The following DYSF variants were observed in gnomAD, a reference collection of about 807,000 sequenced individuals.
DYSF encodes the protein dystrophy-associated fer-1-like 1.
DYSF carries 212 observed loss-of-function variants against 274.9 expected under a neutral mutation model. That is an observed-to-expected ratio of 0.77 (90% CI 0.69 to 0.86). The LOEUF is 0.86. Ranked by LOEUF, DYSF falls within the 40% of genes least tolerant of loss-of-function variation. DYSF has a pLI of 0.00. For synonymous variants in DYSF, 1,091 were observed against 1,078.7 expected, an observed-to-expected ratio of 1.01 and a Z score of -0.22; for missense variants, 2,666 against 2,783.2, an observed-to-expected ratio of 0.96 and a Z score of 0.95.
intron 30 of DYSF, among the ~76,000 whole-genome samples, chr2:71,585,253 G>A (rs1286922650): frequency 6.6e-6 from 1 of 152,214 alleles, no homozygotes; most frequent in East Asian, 1.9e-4. Flanking sequence ...TTGAAGAGCC[G>A]TGCATTTTCC....
At chr2:71,517,593 A>G (rs552532648) in intron 10 of DYSF, among the ~76,000 whole-genome samples, 48 of 152,272 alleles carry the variant, frequency 3.2e-4, no homozygotes, top group African/African-American at 1.1e-3. Flanking sequence ...CAGAAGACCA[A>G]ACAAAAATCA....
chr2:71,570,388 T>C, intron 28 of DYSF, 54 bp downstream of exon 28: 1 of 1,578,560 alleles, frequency 6.3e-7, no homozygotes, highest in African/African-American at 1.3e-5. Context: ...TCTCAAGCCA[T>C]GCTGGTGGGG....
intron 7 of DYSF, among the ~76,000 whole-genome samples, chr2:71,514,625 C>T (rs1411979731): frequency 6.6e-6 from 1 of 151,958 alleles, no homozygotes; most frequent in Admixed American, 6.6e-5. Context: ...TGTAGTCACA[C>T]AGTGATATTT....
intron 17 of DYSF, among the ~76,000 whole-genome samples, chr2:71,547,874 T>TG (rs1274499477): frequency 3.3e-5 from 5 of 152,000 alleles, no homozygotes; most frequent in East Asian, 1.9e-4. Context: ...AAGAAGCACA[T>TG]GGGGGTTGGA....
chr2:71,643,885 G>C (rs1381325888), intron 41 of DYSF, 80 bp from the exon 42 acceptor site: 16 of 1,128,558 alleles, frequency 1.4e-5, no homozygotes, highest in Non-Finnish European at 2.0e-5. Context: ...CCTAGCAGCG[G>C]AGGGAGGGTT....
Position 71,682,559 on chromosome 2 carries a change from C to T in DYSF, c.6203C>T (p.Thr2068Ile), listed in dbSNP as rs1261660052. ...CCCGACACCTCCTTCCTGTGGTTTACCTCCCCATACAAGACCATGAAGTTC... is the reference window on the plus strand; with the variant it reads ...CCCGACACCTCCTTCCTGTGGTTTATCTCCCCATACAAGACCATGAAGTTC... ...RRPDTSFLWF[T>I]SPYKTMKFIL... is the part of the protein sequence containing the mutation. Residue 2068 changes from threonine to isoleucine, a missense_variant, in exon 55 of 56, where the codon ACC (threonine) becomes ATC (isoleucine). By Grantham distance (89) the Thr-to-Ile change is moderately conservative (BLOSUM62 -1). Transcript: ENST00000410020. 1 of 1,614,118 alleles carries T rather than the reference C, an allele frequency of 6.2e-7. No individual in the cohort carries two copies. Among genetic ancestry groups the T allele is most frequent in the Non-Finnish European group, 8.5e-7 (1 of 1,180,014 alleles).
At chr2:71,627,630 T>G (rs1406452293) in intron 41 of DYSF, among the ~76,000 whole-genome samples, 1 of 152,104 alleles carries the variant, frequency 6.6e-6, no homozygotes, top group Non-Finnish European at 1.5e-5. Flanking sequence ...CTCCTGATTT[T>G]TGTGTGTGTG....
At chr2:71,616,454 G>T (rs79200224) in intron 40 of DYSF, among the ~76,000 whole-genome samples, 1,600 of 151,680 alleles carry the variant, frequency 0.011, 36 homozygotes, top group African/African-American at 0.036. Context: ...TAGGGGTGGG[G>T]GTGGTGTGTG....
chr2:71,673,840 A>G (rs943130252), intron 51 of DYSF, among the ~76,000 whole-genome samples: 1 of 152,056 alleles, frequency 6.6e-6, no homozygotes, highest in Admixed American at 6.5e-5. Flanking sequence ...ACGCATAGGA[A>G]GCACTATATT....
At chr2:71,621,899 T>A (rs1263484951) in intron 41 of DYSF, among the ~76,000 whole-genome samples, 1 of 152,030 alleles carries the variant, frequency 6.6e-6, no homozygotes, top group South Asian at 2.1e-4. Context: ...GATCTCATGA[T>A]CTGCCCGCCT....
Position 71,584,966 on chromosome 2 carries a change from C to CAAGAGCCT in DYSF, c.3403-4625_3403-4618dup, listed in dbSNP as rs1361157263. On this transcript the variant is annotated intron_variant, in intron 30 of 55. Transcript: ENST00000410020. Reference sequence around the variant, plus strand: ...GCCAGAGGAGAGGAGTGTTATTTAACAAGAGCCTAGAGAGATGAAAGAGTT... The same window carrying CAAGAGCCT: ...GCCAGAGGAGAGGAGTGTTATTTAACAAGAGCCTAAGAGCCTAGAGAGATGAAAGAGTT... Among the ~76,000 whole-genome samples the CAAGAGCCT allele has an allele frequency of 7.2e-4, 110 of 152,204 alleles. 3 individuals are homozygous for CAAGAGCCT. Among genetic ancestry groups the CAAGAGCCT allele is most frequent in the Non-Finnish European group, 1.3e-4 (9 of 68,044 alleles).
rs780970713 is a variant in DYSF at position 71,586,972 on chromosome 2, C to T, written c.3403-2621C>T. Among the ~76,000 whole-genome samples the T allele has an allele frequency of 1.0e-3, 153 of 152,330 alleles. 2 individuals carry two copies. The highest frequency in any genetic ancestry group is 4.5e-3 in the Admixed American group (69 of 15,310). ...TACTCCCACTGCTCCCACCCCTTAC[C>T]GGTGCCCCAGCAGCTAGAGGTGCTG... On this transcript the variant is annotated intron_variant, in intron 30 of 55. Transcript: ENST00000410020.
rs143860534 is a variant in DYSF, at chr2:71,478,988, C to T, written c.92-1895C>T. Among the ~76,000 whole-genome samples the T allele has an allele frequency of 1.7e-3, 253 of 152,146 alleles. 1 individual carries two copies. The highest frequency in any genetic ancestry group is 5.9e-3 in the African/African-American group (243 of 41,532). On this transcript the variant is annotated intron_variant, in intron 1 of 55. Coordinates refer to ENST00000410020, the MANE Select transcript of DYSF (RefSeq NM_001130987.2). Reference sequence around the variant, plus strand: ...GCTGCACCTCTCCAGGCTGGATGGACTCTGATGTGCTTGGCTCTAAAGCCT... The same window carrying T: ...GCTGCACCTCTCCAGGCTGGATGGATTCTGATGTGCTTGGCTCTAAAGCCT...
rs533870628 is a variant in DYSF at position 71,662,894 on chromosome 2, ACATTTGTGTGCC to A, written c.5004-1373_5004-1362del. 7.3e-4 allele frequency among the ~76,000 whole-genome samples: 26 copies of A among 35,636 alleles called. 1 individual carries two copies. The South Asian group carries it at 0.025, about 34-fold the overall frequency. The allele number at this position is 35,636 out of a possible 152,430, so 23.4% of individuals were successfully genotyped here. On this transcript the variant is annotated intron_variant, in intron 45 of 55. Transcript: ENST00000410020. ...TGTATGTGTGTGTGTGTACGTGAGT[ACATTTGTGTGCC>A]TGTGTGTGTATATGTGTGCACGTAT... is the stretch of plus-strand genomic sequence containing the variant.
At chr2:71,608,641 G>A (rs766225918) in intron 36 of DYSF, among the ~76,000 whole-genome samples, 23 of 152,138 alleles carry the variant, frequency 1.5e-4, no homozygotes, top group South Asian at 4.1e-4. Flanking sequence ...ACCTTCTCCA[G>A]GTTCTTGTTC....
intron 3 of DYSF, among the ~76,000 whole-genome samples, chr2:71,502,508 T>C (rs2085079950): frequency 6.6e-6 from 1 of 152,092 alleles, no homozygotes; most frequent in African/African-American, 2.4e-5. Flanking sequence ...GGGCAGACTA[T>C]ATGGTGAGCC....
At chr2:71,460,963 A>G (rs1226990697) in intron 1 of DYSF, among the ~76,000 whole-genome samples, 1 of 152,006 alleles carries the variant, frequency 6.6e-6, no homozygotes, top group Non-Finnish European at 1.5e-5. Context: ...AAGAAAAAGA[A>G]AAAGAAAAAA....
intron 17 of DYSF, among the ~76,000 whole-genome samples, chr2:71,540,105 T>A (rs1230863201): frequency 6.8e-6 from 1 of 146,740 alleles, no homozygotes; most frequent in African/African-American, 2.7e-5. Context: ...AGATTTCAAC[T>A]TTTTTTTTCT....
intron 1 of DYSF, chr2:71,454,148 C>A: frequency 1.3e-6 from 2 of 1,505,608 alleles, no homozygotes; most frequent in Non-Finnish European, 1.8e-6. Context: ...GACGCCGCGG[C>A]TCTCAACCCT....
Sources: allele counts gnomAD v4.1 joint callset (sites outside exome capture counted in the v4.1 genomes callset), GRCh38; gene constraint gnomAD v4.1.1; transcripts MANE v1.5; gene names NCBI Gene and HGNC (gene_info 2026-07-23, HGNC 2026-07-21).